RSL1D1: variants seen among roughly 807,000 people sequenced by gnomAD.
RSL1D1 encodes the protein ribosomal L1 domain-containing protein 1.
RSL1D1 carries 34 observed loss-of-function variants against 44.6 expected under a neutral mutation model. That is an observed-to-expected ratio of 0.76 (90% confidence interval 0.58 to 1.02). RSL1D1 has a LOEUF of 1.02. Ranked by LOEUF, RSL1D1 falls within the 50% of genes least tolerant of loss-of-function variation. The probability of loss-of-function intolerance (pLI) is 0.00; values close to 1 mark genes in which losing one functional copy is unlikely to be tolerated. For missense variants in RSL1D1, 767 were observed against 568.1 expected (o/e 1.35, Z -3.56); for synonymous variants, 271 against 207.4 (o/e 1.31, Z -2.63).
At position 11,851,420 on chromosome 16, in the gene RSL1D1, C is replaced by A; in HGVS notation, c.93G>T (p.Leu31=). The change falls in exon 1 of 9, where the codon CTG becomes CTT. Residue 31 remains leucine, a synonymous_variant. Coordinates refer to ENST00000571133, the MANE Select transcript of RSL1D1 (RefSeq NM_015659.3). ...AGGAACCACTCACCTGTTCTTTATC[C>A]AGCTGCTTCCGTGCTGTCGGGGCCG... ...TPAAPTARKQ[L]DKEQVRKAVD... The A allele has an allele frequency of 6.2e-7, 1 of 1,614,106 alleles. No individual in the cohort carries two copies. The highest frequency in any genetic ancestry group is 1.3e-5 in the African/African-American group (1 of 75,060).
chr16:11,844,880 C>T lies in RSL1D1; in HGVS notation c.635+1621G>A, dbSNP rs1447270451. Among the ~76,000 whole-genome samples the T allele has an allele frequency of 2.0e-5, 3 of 152,178 alleles. No homozygotes were observed. The South Asian group carries it at 6.2e-4, about 31-fold the overall frequency. ...CCAAGCTGATACACTGCCAATAATA[C>T]AAACTTAAGTCACTTCTCAGCCTAA... On this transcript the variant is annotated intron_variant, in intron 5 of 8. Transcript: ENST00000571133.
chr16:11,839,038 G>A (rs544344449), intron 8 of RSL1D1, among the ~76,000 whole-genome samples: 1 of 152,196 alleles, frequency 6.6e-6, no homozygotes, highest in African/African-American at 2.4e-5. Context: ...CTGGCACATG[G>A]TGTAGGGCAA....
At chr16:11,848,026 T>C (rs1468783673) in intron 2 of RSL1D1, among the ~76,000 whole-genome samples, 2 of 152,142 alleles carry the variant, frequency 1.3e-5, no homozygotes, top group Non-Finnish European at 2.9e-5. Flanking sequence ...CCAAGGCAGA[T>C]GGATCACCTG....
At position 11,839,807 on chromosome 16, in the gene RSL1D1, T is replaced by C; in HGVS notation, c.1034A>G (p.Lys345Arg). 1.9e-6 allele frequency: 3 copies of C among 1,614,218 alleles called. No individual in the cohort carries two copies. The highest frequency in any genetic ancestry group is 4.5e-5 in the East Asian group (2 of 44,888). Residue 345 changes from lysine to arginine, a missense_variant, in exon 8 of 9, where the codon AAG becomes AGG. By Grantham distance (26) the Lys-to-Arg change is conservative (BLOSUM62 2). Coordinates refer to ENST00000571133, the MANE Select transcript of RSL1D1 (RefSeq NM_015659.3). ...GGCTTTTCCTCTGCCACGTTTTTTC[T>C]TCCCATGCTCTGGGGTCTGTTCCTT... is the stretch of plus-strand genomic sequence containing the variant. ...SKKEQTPEHGKKKRGRGKAQV... is the reference protein window; with the variant it reads ...SKKEQTPEHGRKKRGRGKAQV...
At position 11,837,828 on chromosome 16, in the gene RSL1D1, T is replaced by C; in HGVS notation, c.1432A>G (p.Lys478Glu). Residue 478 changes from lysine to glutamate, a missense_variant, in exon 9 of 9, where the codon AAA becomes GAA. Coordinates refer to ENST00000571133, the MANE Select transcript of RSL1D1 (RefSeq NM_015659.3). ...ACTTTGGGTTTTTTGGGCCATTTTT[T>C]GGGGGTGTGGGAAGCTTTTCTCACA... ...KSVRKASHTP[K>E]KWPKKPKVPQ... 1.9e-6 allele frequency: 3 copies of C among 1,611,142 alleles called. No homozygotes were observed. The highest frequency in any genetic ancestry group is 2.5e-6 in the Non-Finnish European group (3 of 1,178,938).
rs2053713907 is a variant in RSL1D1 at position 11,835,956 on chromosome 16, G to C, written c.*1831C>G. On this transcript the variant is annotated 3_prime_UTR_variant, in exon 9 of 9. Coordinates refer to ENST00000571133, the MANE Select transcript of RSL1D1 (RefSeq NM_015659.3). Reference sequence around the variant, plus strand: ...CAGGGCATAAAATCCCTCGTGGCTTGGATAAAATCCAGGGCCTGTGGCTCT... The same window carrying C: ...CAGGGCATAAAATCCCTCGTGGCTTCGATAAAATCCAGGGCCTGTGGCTCT... 6.6e-6 allele frequency: 1 copy of C among 152,172 alleles called. No homozygotes were observed. The allele number at this position is 152,172 out of a possible 1,614,324, so 9.4% of individuals were successfully genotyped here.
rs764594276 is a variant in RSL1D1 at position 11,841,774 on chromosome 16, G to A, written c.776C>T (p.Ala259Val). ...KLLFVKTEKS[A>V]ALPIFSSFVS... ...AAACGAGGAAAAGATGGGAAGTGCA[G>A]CCGATTTCTCAGTTTTCACAAACAG... The change falls in exon 7 of 9, where the codon GCT becomes GTT. Residue 259 changes from alanine to valine, a missense_variant. Coordinates refer to ENST00000571133, the MANE Select transcript of RSL1D1 (RefSeq NM_015659.3). 6.2e-7 allele frequency: 1 copy of A among 1,614,078 alleles called. No individual in the cohort carries two copies. Among genetic ancestry groups the A allele is most frequent in the Non-Finnish European group, 8.5e-7 (1 of 1,179,984 alleles).
In RSL1D1 at chr16:11,837,286, T is replaced by G. The variant is rs535073119; in HGVS notation, c.*501A>C. Reference sequence around the variant, plus strand: ...CACTCTATTTTTCCCTCTATTACATTAGCAAATACACAGAAGGACAATTTA... The same window carrying G: ...CACTCTATTTTTCCCTCTATTACATGAGCAAATACACAGAAGGACAATTTA... On this transcript the variant is annotated 3_prime_UTR_variant, in exon 9 of 9. Coordinates refer to ENST00000571133, the MANE Select transcript of RSL1D1 (RefSeq NM_015659.3). 1.0e-4 allele frequency: 16 copies of G among 153,550 alleles called. No individual in the cohort carries two copies. The highest frequency in any genetic ancestry group is 3.6e-4 in the African/African-American group (15 of 41,564). 9.5% of individuals were successfully genotyped at this position (153,550 alleles called of 1,614,324 possible). A position where few individuals can be genotyped will look rare whatever the true frequency, so the allele number is the denominator to read the frequency against.
At chr16:11,842,275 G>C (rs1019620758) in intron 5 of RSL1D1, among the ~76,000 whole-genome samples, 2 of 151,496 alleles carry the variant, frequency 1.3e-5, no homozygotes, top group Non-Finnish European at 2.9e-5. Context: ...TACATACAGT[G>C]AGCCCAGATC....
At position 11,839,990 on chromosome 16, in the gene RSL1D1, C is replaced by T; in HGVS notation, c.856-5G>A. On this transcript the variant is annotated splice_polypyrimidine_tract_variant and splice_region_variant and intron_variant, in intron 7 of 8. Transcript: ENST00000571133. ...TCTTCGTTTTCTCCTTGCCTCCTAC[C>T]AAAAAACACCATACAAACATTTTAG... 3 of 1,607,438 alleles carry T rather than the reference C, an allele frequency of 1.9e-6. No individual in the cohort carries two copies.
chr16:11,836,485 C>G lies in RSL1D1; in HGVS notation c.*1302G>C, dbSNP rs2053719904. On this transcript the variant is annotated 3_prime_UTR_variant, in exon 9 of 9. Coordinates refer to ENST00000571133, the MANE Select transcript of RSL1D1 (RefSeq NM_015659.3). ...TCACAACCAGTGAAAGGCCACGTACCTAAAAAGGTGTTTACTGCCTCAGAA... is the reference window on the plus strand; with the variant it reads ...TCACAACCAGTGAAAGGCCACGTACGTAAAAAGGTGTTTACTGCCTCAGAA... The G allele has an allele frequency of 6.6e-6, 1 of 152,162 alleles. No homozygotes were observed. The highest frequency in any genetic ancestry group is 2.4e-5 in the African/African-American group (1 of 41,448). The allele number at this position is 152,162 out of a possible 1,614,324, so 9.4% of individuals were successfully genotyped here. A position where few individuals can be genotyped will look rare whatever the true frequency, so the allele number is the denominator to read the frequency against.
At chr16:11,851,024 G>C (rs1184052721) in intron 1 of RSL1D1, 1 of 320,634 alleles carries the variant, frequency 3.1e-6, no homozygotes, top group Non-Finnish European at 6.0e-6. Context: ...CCAGGCCAAA[G>C]CGCTTTACAC....
intron 2 of RSL1D1, among the ~76,000 whole-genome samples, chr16:11,848,476 G>C (rs1467078733): frequency 6.6e-6 from 1 of 152,188 alleles, no homozygotes; most frequent in East Asian, 1.9e-4. Flanking sequence ...GCCTGGTTCA[G>C]AATTTTACCT....
chr16:11,844,082 G>A (rs1282536221), intron 5 of RSL1D1, among the ~76,000 whole-genome samples: 1 of 152,062 alleles, frequency 6.6e-6, no homozygotes, highest in Non-Finnish European at 1.5e-5. Flanking sequence ...TGAGGAATGA[G>A]ACGGACTGTT....
At chr16:11,843,313 C>T (rs1252683191) in intron 5 of RSL1D1, among the ~76,000 whole-genome samples, 1 of 151,754 alleles carries the variant, frequency 6.6e-6, no homozygotes, top group Non-Finnish European at 1.5e-5. Flanking sequence ...TCAACTGATC[C>T]ACCTGCCACG....
chr16:11,846,311 C>T lies in RSL1D1; in HGVS notation c.635+190G>A, dbSNP rs539844121. 7.9e-3 allele frequency among the ~76,000 whole-genome samples: 1,193 copies of T among 150,976 alleles called. 11 individuals carry two copies. The highest frequency in any genetic ancestry group is 0.027 in the African/African-American group (1,124 of 41,268). On this transcript the variant is annotated intron_variant, in intron 5 of 8. Transcript: ENST00000571133. The stretch of plus-strand genomic sequence containing the variant: ...TCGGGAGGCTGAGGCAGGAGAATGG[C>T]GTGAACCCAGGAGGCGGAGCTTGCA...
In RSL1D1 at chr16:11,846,693, A is replaced by T. The variant is rs752870596; in HGVS notation, c.533+2T>A. 5.6e-6 allele frequency: 9 copies of T among 1,613,706 alleles called. No homozygotes were observed. On this transcript the variant is annotated splice_donor_variant, in intron 4 of 8. Coordinates refer to ENST00000571133, the MANE Select transcript of RSL1D1 (RefSeq NM_015659.3). LOFTEE classifies it high-confidence loss of function. Reference sequence around the variant, plus strand: ...AAGTCCAGTCATTACTAAGAAACTTACTTCTTTCTTTGATAGAAATGTCTC... The same window carrying T: ...AAGTCCAGTCATTACTAAGAAACTTTCTTCTTTCTTTGATAGAAATGTCTC...
intron 5 of RSL1D1, among the ~76,000 whole-genome samples, chr16:11,844,184 G>T (rs1043321275): frequency 6.6e-6 from 1 of 152,218 alleles, no homozygotes; most frequent in Non-Finnish European, 1.5e-5. Flanking sequence ...ATCCCAGATG[G>T]AAAGATGGTG....
chr16:11,847,350 G>C (rs1207584532), intron 3 of RSL1D1, among the ~76,000 whole-genome samples: 1 of 152,110 alleles, frequency 6.6e-6, no homozygotes, highest in Non-Finnish European at 1.5e-5. Flanking sequence ...ATTCCAGCCT[G>C]GGCGACAGAG....
Sources: allele counts gnomAD v4.1 joint callset (sites outside exome capture counted in the v4.1 genomes callset), GRCh38; gene constraint gnomAD v4.1.1; transcripts MANE v1.5; gene names NCBI Gene and HGNC (gene_info 2026-07-23, HGNC 2026-07-21).